The following SEZ6L variants were observed in gnomAD, a reference collection of about 807,000 sequenced individuals.
SEZ6L encodes the protein seizure related 6 homolog like, also known as seizure 6-like protein.
SEZ6L carries 37 observed loss-of-function variants against 106.2 expected under a neutral mutation model. The observed-to-expected ratio is 0.35, with a 90% CI of 0.27 to 0.46. The LOEUF is 0.46. Ranked by LOEUF, SEZ6L falls within the 20% of genes least tolerant of loss-of-function variation. The probability of loss-of-function intolerance (pLI) is 1.00; values close to 1 mark genes in which losing one functional copy is unlikely to be tolerated. For synonymous variants in SEZ6L, 541 were observed against 570.4 expected (o/e 0.95, Z 0.73); for missense variants, 1,172 against 1,332.8 (o/e 0.88, Z 1.88).
chr22:26,257,815 C>T (rs555742637), intron 1 of SEZ6L, among the ~76,000 whole-genome samples: 1 of 152,260 alleles, frequency 6.6e-6, no homozygotes, highest in South Asian at 2.1e-4. Context: ...GAAGAACAGG[C>T]ATTTAACTCC....
intron 1 of SEZ6L, among the ~76,000 whole-genome samples, chr22:26,258,642 A>G (rs2079902695): frequency 6.6e-6 from 1 of 152,188 alleles, no homozygotes; most frequent in Non-Finnish European, 1.5e-5. Flanking sequence ...AAATTGCAGT[A>G]TTTATTGCAG....
At chr22:26,300,013 G>A (rs1047873985) in intron 5 of SEZ6L, among the ~76,000 whole-genome samples, 29 of 152,028 alleles carry the variant, frequency 1.9e-4, no homozygotes, top group African/African-American at 7.0e-4. Flanking sequence ...TGTTTTTATT[G>A]TAGCCATCCT....
intron 1 of SEZ6L, among the ~76,000 whole-genome samples, chr22:26,193,757 A>G (rs1336188846): frequency 6.6e-6 from 1 of 152,156 alleles, no homozygotes; most frequent in Admixed American, 6.5e-5. Context: ...ATTCTGCTCA[A>G]TCGTCTGTTG....
At chr22:26,271,304 A>G (rs1267990577) in intron 1 of SEZ6L, among the ~76,000 whole-genome samples, 2 of 152,352 alleles carry the variant, frequency 1.3e-5, no homozygotes, top group Non-Finnish European at 2.9e-5. Flanking sequence ...ATTTGCACTA[A>G]GTCTTTGTTA....
chr22:26,342,407 C>T (rs552811804), intron 10 of SEZ6L, among the ~76,000 whole-genome samples: 13 of 152,186 alleles, frequency 8.5e-5, no homozygotes, highest in Admixed American at 5.2e-4. Context: ...TTGTCCATCT[C>T]GGCCGGGCGC....
chr22:26,194,434 G>C (rs1037361510), intron 1 of SEZ6L, among the ~76,000 whole-genome samples: 1 of 152,192 alleles, frequency 6.6e-6, no homozygotes, highest in African/African-American at 2.4e-5. Flanking sequence ...ATGTGTGCAT[G>C]GAGTGCTATC....
chr22:26,314,872 G>C (rs889434813), intron 9 of SEZ6L, among the ~76,000 whole-genome samples: 2 of 152,252 alleles, frequency 1.3e-5, no homozygotes, highest in African/African-American at 2.4e-5. Flanking sequence ...CACCCAGAAA[G>C]CCAGCGAGCA....
chr22:26,273,303 T>G (rs995559515), intron 1 of SEZ6L, among the ~76,000 whole-genome samples: 4 of 152,206 alleles, frequency 2.6e-5, no homozygotes, highest in African/African-American at 9.6e-5. Flanking sequence ...GCCAGGTGGG[T>G]GCCAGGGCAC....
intron 1 of SEZ6L, among the ~76,000 whole-genome samples, chr22:26,276,670 T>G (rs934048308): frequency 3.9e-5 from 6 of 152,254 alleles, no homozygotes; most frequent in African/African-American, 1.2e-4. Flanking sequence ...CACTGATTTT[T>G]TGTGTGTGTA....
At position 26,350,951 on chromosome 22, in the gene SEZ6L, C is replaced by T. The variant is rs576337982; in HGVS notation, c.2408-101C>T. The T allele has an allele frequency of 1.1e-3, 1,428 of 1,308,384 alleles. 5 individuals are homozygous for T. Among genetic ancestry groups the T allele is most frequent in the Non-Finnish European group, 1.4e-3 (1,303 of 954,460 alleles). The allele number at this position is 1,308,384 out of a possible 1,614,324, so 81.0% of individuals were successfully genotyped here. On this transcript the variant is annotated intron_variant, in intron 11 of 16. Coordinates refer to ENST00000248933, the MANE Select transcript of SEZ6L (RefSeq NM_021115.5). Reference sequence around the variant, plus strand: ...GACTACAGGCGTGAGCCACCGCACCCGGCCAAGTTAGGAAACTTTCTAGAT... The same window carrying T: ...GACTACAGGCGTGAGCCACCGCACCTGGCCAAGTTAGGAAACTTTCTAGAT...
At chr22:26,222,991 A>C (rs2078523896) in intron 1 of SEZ6L, among the ~76,000 whole-genome samples, 2 of 152,226 alleles carry the variant, frequency 1.3e-5, no homozygotes, top group East Asian at 3.9e-4. Flanking sequence ...TCCCACAAAA[A>C]AAAAAAAAAT....
At chr22:26,273,922 C>T (rs1359350457) in intron 1 of SEZ6L, among the ~76,000 whole-genome samples, 2 of 151,734 alleles carry the variant, frequency 1.3e-5, no homozygotes, top group South Asian at 4.2e-4. Flanking sequence ...CAGGTGTAGA[C>T]CTGGCGTGGA....
intron 1 of SEZ6L, among the ~76,000 whole-genome samples, chr22:26,186,388 C>A (rs1939782390): frequency 6.6e-6 from 1 of 152,130 alleles, no homozygotes; most frequent in African/African-American, 2.4e-5. Context: ...TTCAGGACCA[C>A]CACATTGATG....
intron 1 of SEZ6L, among the ~76,000 whole-genome samples, chr22:26,277,379 G>T (rs1162096272): frequency 1.3e-5 from 2 of 152,194 alleles, no homozygotes; most frequent in South Asian, 2.1e-4. Context: ...GTGAGTTCAC[G>T]TGTGCAGTTT....
At chr22:26,356,937 C>T (rs139065467) in intron 12 of SEZ6L, among the ~76,000 whole-genome samples, 1,549 of 149,634 alleles carry the variant, frequency 0.01, 9 homozygotes, top group Middle Eastern at 0.031. Context: ...TCCAACACAT[C>T]ATTGTGTTTC....
At chr22:26,369,123 C>T (rs778559970) in intron 13 of SEZ6L, among the ~76,000 whole-genome samples, 1 of 151,776 alleles carries the variant, frequency 6.6e-6, no homozygotes, top group Admixed American at 6.6e-5. Context: ...CATTTAAGGC[C>T]GTGATTTCCA....
chr22:26,374,748 C>G (rs2084159793), intron 14 of SEZ6L, among the ~76,000 whole-genome samples: 1 of 152,150 alleles, frequency 6.6e-6, no homozygotes, highest in South Asian at 2.1e-4. Flanking sequence ...ACCTGGAGGC[C>G]AAGTTTCTAG....
intron 10 of SEZ6L, among the ~76,000 whole-genome samples, chr22:26,343,920 C>A (rs1358743398): frequency 6.6e-6 from 1 of 152,168 alleles, no homozygotes; most frequent in Admixed American, 6.5e-5. Flanking sequence ...GAAAAGAACT[C>A]CAAGGAGGTC....
intron 1 of SEZ6L, among the ~76,000 whole-genome samples, chr22:26,290,712 A>G (rs989263512): frequency 1.3e-5 from 2 of 152,198 alleles, no homozygotes; most frequent in Non-Finnish European, 2.9e-5. Context: ...TTAGCAAGGT[A>G]TACAAGGCCC....
Sources: allele counts gnomAD v4.1 joint callset (sites outside exome capture counted in the v4.1 genomes callset), GRCh38; gene constraint gnomAD v4.1.1; transcripts MANE v1.5; gene names NCBI Gene and HGNC (gene_info 2026-07-23, HGNC 2026-07-21).